The following ZNF804B variants were observed in gnomAD, a reference collection of about 807,000 sequenced individuals.
ZNF804B encodes zinc finger protein 804B, also known as zinc finger 804B.
ZNF804B carries 80 observed loss-of-function variants against 101.4 expected under a neutral mutation model. The observed-to-expected ratio is 0.79, with a 90% CI of 0.66 to 0.95. ZNF804B has a LOEUF of 0.95. Ranked by LOEUF, ZNF804B falls within the 40% of genes least tolerant of loss-of-function variation. The pLI is 0.00. For missense variants in ZNF804B, 1,673 were observed against 1,561.9 expected (o/e 1.07, Z -1.20); for synonymous variants, 622 against 558.8 (o/e 1.11, Z -1.59).
intron 1 of ZNF804B, among the ~76,000 whole-genome samples, chr7:88,871,522 A>G (rs528936128): frequency 6.6e-6 from 1 of 152,190 alleles, no homozygotes; most frequent in African/African-American, 2.4e-5. Context: ...GAAAATATAT[A>G]CTAATAAGAG....
At chr7:89,039,685 T>C (rs1485028563) in intron 1 of ZNF804B, among the ~76,000 whole-genome samples, 1 of 151,886 alleles carries the variant, frequency 6.6e-6, no homozygotes, top group Non-Finnish European at 1.5e-5. Context: ...TCTAGAACTT[T>C]CAGTATAGCA....
intron 1 of ZNF804B, among the ~76,000 whole-genome samples, chr7:89,160,569 G>A (rs888624917): frequency 3.3e-5 from 5 of 152,094 alleles, no homozygotes. Context: ...TCATAAAATA[G>A]AGTACACCTA....
intron 1 of ZNF804B, among the ~76,000 whole-genome samples, chr7:89,017,912 T>G (rs1187191757): frequency 6.6e-6 from 1 of 152,176 alleles, no homozygotes; most frequent in Non-Finnish European, 1.5e-5. Context: ...TAAAAGTTTT[T>G]GGGAAGAGCC....
intron 2 of ZNF804B, among the ~76,000 whole-genome samples, chr7:89,233,720 C>A (rs1584073612): frequency 6.6e-6 from 1 of 151,936 alleles, no homozygotes; most frequent in African/African-American, 2.4e-5. Flanking sequence ...CTCACTGCAC[C>A]CTCTGCCTCC....
chr7:89,045,041 T>C (rs1186739290), intron 1 of ZNF804B, among the ~76,000 whole-genome samples: 1 of 152,206 alleles, frequency 6.6e-6, no homozygotes, highest in East Asian at 1.9e-4. Context: ...AGGGGCCCCC[T>C]GCTCTCTGCA....
chr7:88,870,174 C>A (rs1212894462), intron 1 of ZNF804B, among the ~76,000 whole-genome samples: 2 of 150,956 alleles, frequency 1.3e-5, no homozygotes, highest in Non-Finnish European at 2.9e-5. Flanking sequence ...ATCACGAGGT[C>A]AGGAGATCGA....
chr7:89,100,811 G>T (rs939640965), intron 1 of ZNF804B, among the ~76,000 whole-genome samples: 8 of 151,892 alleles, frequency 5.3e-5, no homozygotes, highest in African/African-American at 1.9e-4. Flanking sequence ...TCCATTGTAT[G>T]CCTGTAACAA....
intron 1 of ZNF804B, among the ~76,000 whole-genome samples, chr7:89,217,631 T>A (rs1788917696): frequency 6.6e-6 from 1 of 152,178 alleles, no homozygotes; most frequent in South Asian, 2.1e-4. Context: ...TTGAAGAACA[T>A]GGACATAAAC....
intron 2 of ZNF804B, among the ~76,000 whole-genome samples, chr7:89,276,302 T>A (rs1193869666): frequency 1.3e-5 from 2 of 151,842 alleles, no homozygotes; most frequent in Non-Finnish European, 2.9e-5. Flanking sequence ...CTGCACATCC[T>A]GCACATGTAC....
chr7:88,831,368 T>C (rs1274659473), intron 1 of ZNF804B, among the ~76,000 whole-genome samples: 1 of 151,968 alleles, frequency 6.6e-6, no homozygotes, highest in Non-Finnish European at 1.5e-5. Context: ...TATTCTATGG[T>C]AAAATGTTGC....
At chr7:89,284,968 G>A (rs1790159643) in intron 2 of ZNF804B, among the ~76,000 whole-genome samples, 1 of 152,008 alleles carries the variant, frequency 6.6e-6, no homozygotes, top group African/African-American at 2.4e-5. Flanking sequence ...AGAGGCGGAG[G>A]CAGGAGGATT....
chr7:88,995,883 G>T (rs958164711), intron 1 of ZNF804B, among the ~76,000 whole-genome samples: 1 of 151,880 alleles, frequency 6.6e-6, no homozygotes, highest in Middle Eastern at 3.2e-3. Context: ...TTAATCATGA[G>T]AAAAACATGA....
chr7:88,813,974 A>G (rs1790834148), intron 1 of ZNF804B, among the ~76,000 whole-genome samples: 1 of 152,208 alleles, frequency 6.6e-6, no homozygotes. Context: ...CCAATGCACC[A>G]TCAGGCTAAA....
chr7:88,852,221 G>A (rs984044346), intron 1 of ZNF804B, among the ~76,000 whole-genome samples: 1 of 152,042 alleles, frequency 6.6e-6, no homozygotes, highest in Non-Finnish European at 1.5e-5. Context: ...ATTATCAGAG[G>A]ACCAGTCTAG....
intron 1 of ZNF804B, among the ~76,000 whole-genome samples, chr7:88,947,927 A>G (rs146950648): frequency 2.0e-3 from 303 of 152,056 alleles, no homozygotes; most frequent in African/African-American, 6.9e-3. Context: ...GAACAATTGT[A>G]TATGTTTTCA....
intron 1 of ZNF804B, among the ~76,000 whole-genome samples, chr7:88,870,770 T>A (rs1412253085): frequency 6.6e-6 from 1 of 152,152 alleles, no homozygotes; most frequent in East Asian, 1.9e-4. Flanking sequence ...ATCAAAACAG[T>A]TACACATTGC....
At chr7:88,958,894 C>G (rs1316568111) in intron 1 of ZNF804B, among the ~76,000 whole-genome samples, 1 of 151,428 alleles carries the variant, frequency 6.6e-6, no homozygotes, top group African/African-American at 2.4e-5. Context: ...TTATTTCTTT[C>G]ATATTGTCTT....
intron 1 of ZNF804B, among the ~76,000 whole-genome samples, chr7:88,813,689 T>C (rs1258741988): frequency 1.3e-5 from 2 of 152,190 alleles, no homozygotes; most frequent in Admixed American, 6.5e-5. Flanking sequence ...TTGTGTTAAA[T>C]ACTAGAAACT....
intron 1 of ZNF804B, among the ~76,000 whole-genome samples, chr7:88,938,848 A>G (rs58823408): frequency 0.22 from 34,121 of 151,870 alleles, 4,294 homozygotes; most frequent in African/African-American, 0.31. Context: ...TCATTCAAAA[A>G]TCCTCACTGA....
Sources: gnomAD v4.1 joint callset for allele counts (sites outside exome capture counted in the v4.1 genomes callset) on GRCh38, gnomAD v4.1.1 for gene constraint, MANE v1.5 for transcripts, NCBI Gene and HGNC (gene_info 2026-07-23, HGNC 2026-07-21) for gene names.